The following ZDHHC2 variants were observed in gnomAD, a reference collection of about 807,000 sequenced individuals.
The protein encoded by ZDHHC2 is palmitoyltransferase ZDHHC2.
In ZDHHC2, 51 loss-of-function variants were observed where a neutral mutation model predicts 55.6. That is an observed-to-expected ratio of 0.92 (90% confidence interval 0.73 to 1.16). The LOEUF is 1.16. Ranked by LOEUF, ZDHHC2 falls within the 50% of genes most tolerant of loss-of-function variation. The probability of loss-of-function intolerance (pLI) is 0.00; values close to 1 mark genes in which losing one functional copy is unlikely to be tolerated. For missense variants in ZDHHC2, 491 were observed against 442.4 expected, an observed-to-expected ratio of 1.11 and a Z score of -0.99; for synonymous variants, 199 against 152.9, an observed-to-expected ratio of 1.30 and a Z score of -2.22.
At chr8:17,207,775 G>A (rs183250923) in intron 7 of ZDHHC2, among the ~76,000 whole-genome samples, 185 bp from the exon 8 acceptor site, 28 of 150,688 alleles carry the variant, frequency 1.9e-4, no homozygotes, top group Non-Finnish European at 2.7e-4. Flanking sequence ...TCATATTCTC[G>A]TAAACTTTTA....
At chr8:17,159,697 A>G (rs1804235417) in intron 1 of ZDHHC2, among the ~76,000 whole-genome samples, 2 of 152,178 alleles carry the variant, frequency 1.3e-5, no homozygotes, top group African/African-American at 4.8e-5. Flanking sequence ...GGATGTACAT[A>G]TATTGTGTGA....
In ZDHHC2 at chr8:17,197,616, A is replaced by G. The variant is rs1291748262; in HGVS notation, c.408A>G (p.Lys136=). ...IRYCDRCQLI[K]PDRCHHCSVC... The stretch of plus-strand genomic sequence containing the variant: ...ACTGTGACAGATGCCAACTTATAAA[A>G]CCAGATCGCTGCCATCACTGCTCCG... Residue 136 remains lysine, a synonymous_variant, in exon 5 of 13, where the codon AAA becomes AAG. Transcript: ENST00000262096. The G allele has an allele frequency of 6.2e-7, 1 of 1,613,820 alleles. No homozygotes were observed. Among genetic ancestry groups the G allele is most frequent in the Admixed American group, 1.7e-5 (1 of 60,014 alleles).
At chr8:17,166,205 C>T (rs1236576188) in intron 1 of ZDHHC2, among the ~76,000 whole-genome samples, 5 of 152,046 alleles carry the variant, frequency 3.3e-5, no homozygotes, top group African/African-American at 7.2e-5. Flanking sequence ...TCCAGGTGAG[C>T]GATGATGGTG....
intron 1 of ZDHHC2, among the ~76,000 whole-genome samples, chr8:17,163,200 C>T (rs1804436783): frequency 6.6e-6 from 1 of 152,178 alleles, no homozygotes; most frequent in African/African-American, 2.4e-5. Flanking sequence ...ACCTGAGGAA[C>T]AGCCTTTGGA....
intron 6 of ZDHHC2, among the ~76,000 whole-genome samples, chr8:17,199,479 TTC>T (rs1806517045): frequency 3.5e-5 from 1 of 28,286 alleles, no homozygotes; most frequent in Non-Finnish European, 9.1e-5. Context: ...CTTCTTCTTC[TTC>T]TTCTTCTTCT....
At chr8:17,200,684 C>G (rs922186784) in intron 6 of ZDHHC2, among the ~76,000 whole-genome samples, 6 of 152,206 alleles carry the variant, frequency 3.9e-5, no homozygotes, top group African/African-American at 1.4e-4. Flanking sequence ...AATTTGGCCT[C>G]ATGAGATACT....
At chr8:17,210,505 T>C (rs1487229717) in intron 10 of ZDHHC2, 25 bp downstream of exon 10, 5 of 1,547,920 alleles carry the variant, frequency 3.2e-6, no homozygotes, top group Non-Finnish European at 4.4e-6. Flanking sequence ...TTTTTCATTT[T>C]ACTTTCAAAT....
At chr8:17,161,372 C>CA (rs1192183535) in intron 1 of ZDHHC2, among the ~76,000 whole-genome samples, 2 of 151,890 alleles carry the variant, frequency 1.3e-5, no homozygotes, top group African/African-American at 4.8e-5. Context: ...GCATTTTTCA[C>CA]AAAAAAAGAA....
intron 1 of ZDHHC2, among the ~76,000 whole-genome samples, chr8:17,169,854 A>G (rs1195910920): frequency 1.3e-5 from 2 of 152,174 alleles, no homozygotes; most frequent in African/African-American, 4.8e-5. Context: ...AATTCCTTGC[A>G]TAATTTTTTT....
In ZDHHC2 at chr8:17,208,071, A is replaced by G; in HGVS notation, c.709A>G (p.Ser237Gly). 6.3e-7 allele frequency: 1 copy of G among 1,577,432 alleles called. No individual in the cohort carries two copies. The highest frequency in any genetic ancestry group is 8.6e-7 in the Non-Finnish European group (1 of 1,159,938). The change falls in exon 8 of 13, where the codon AGC (serine) becomes GGC (glycine). Residue 237 changes from serine (S) to glycine (G), a missense_variant. Coordinates refer to ENST00000262096, the MANE Select transcript of ZDHHC2 (RefSeq NM_016353.5). The part of the protein sequence containing the change: ...SLFGYHCWLV[S>G]KNKSTLEAFR... ...GTTTGGCTATCATTGTTGGCTAGTC[A>G]GCAAAAATAAATCTACATTAGGTGA...
intron 1 of ZDHHC2, among the ~76,000 whole-genome samples, chr8:17,183,126 G>T (rs1353948785): frequency 1.3e-5 from 2 of 152,190 alleles, no homozygotes; most frequent in Non-Finnish European, 2.9e-5. Context: ...ACTCGAGTCA[G>T]TGGAGTAGCA....
At chr8:17,194,156 C>G (rs1173976886) in intron 3 of ZDHHC2, among the ~76,000 whole-genome samples, 2 of 152,072 alleles carry the variant, frequency 1.3e-5, no homozygotes, top group African/African-American at 4.8e-5. Context: ...TGTTCTTTAT[C>G]CAGTCTATCA....
At chr8:17,184,911 G>A (rs554439969) in intron 2 of ZDHHC2, 96 bp downstream of exon 2, 2 of 1,064,964 alleles carry the variant, frequency 1.9e-6, no homozygotes, top group South Asian at 3.3e-5. Flanking sequence ...ATTGTTGTTT[G>A]AGAATGTGGA....
intron 6 of ZDHHC2, among the ~76,000 whole-genome samples, chr8:17,202,029 A>T (rs932586414): frequency 2.6e-5 from 4 of 152,054 alleles, no homozygotes; most frequent in African/African-American, 4.8e-5. Context: ...CTATCAAAGT[A>T]TTTTTTTCCT....
At position 17,222,525 on chromosome 8, in the gene ZDHHC2, C is replaced by T. The variant is rs1807966061; in HGVS notation, c.*2304C>T. On this transcript the variant is annotated 3_prime_UTR_variant, in exon 13 of 13. Transcript: ENST00000262096. ...ATTTTTCTTGCTTTTATAGATTTTA[C>T]TATATAGGAATCAAGATTTAAGAAA... 6.6e-6 allele frequency: 1 copy of T among 151,694 alleles called. No individual in the cohort carries two copies. The highest frequency in any genetic ancestry group is 2.4e-5 in the African/African-American group (1 of 41,366). 9.4% of individuals were successfully genotyped at this position (151,694 alleles called of 1,614,324 possible).
At chr8:17,216,742 A>G (rs575896048) in intron 11 of ZDHHC2, among the ~76,000 whole-genome samples, 168 of 152,282 alleles carry the variant, frequency 1.1e-3, no homozygotes, top group Non-Finnish European at 2.0e-3. Flanking sequence ...GTTGGATGAA[A>G]TGAAGAACTA....
At chr8:17,168,340 C>G (rs144237448) in intron 1 of ZDHHC2, among the ~76,000 whole-genome samples, 19 of 152,246 alleles carry the variant, frequency 1.2e-4, no homozygotes, top group African/African-American at 4.6e-4. Flanking sequence ...TCTGGGGTTA[C>G]TTTTATGAGA....
At chr8:17,173,095 A>G (rs950762519) in intron 1 of ZDHHC2, among the ~76,000 whole-genome samples, 7 of 152,190 alleles carry the variant, frequency 4.6e-5, no homozygotes, top group African/African-American at 1.7e-4. Context: ...AGGGAGTGGC[A>G]AGAGTATCAA....
intron 8 of ZDHHC2, among the ~76,000 whole-genome samples, chr8:17,208,720 G>A (rs759453699): frequency 1.7e-4 from 26 of 151,968 alleles, no homozygotes; most frequent in Non-Finnish European, 3.5e-4. Context: ...ATACTATTAG[G>A]GTGAAAATAC....
Sources: allele counts gnomAD v4.1 joint callset (sites outside exome capture counted in the v4.1 genomes callset), GRCh38; gene constraint gnomAD v4.1.1; transcripts MANE v1.5; gene names NCBI Gene and HGNC (gene_info 2026-07-23, HGNC 2026-07-21).